FTCD: variants seen among roughly 807,000 people sequenced by gnomAD.
FTCD encodes the protein formimidoyltransferase cyclodeaminase.
FTCD carries 76 observed loss-of-function variants against 62.9 expected under a neutral mutation model. The ratio of observed to expected loss-of-function variants is 1.21; its 90% CI spans 1.00 to 1.46. The LOEUF is 1.46. FTCD is among the 40% of genes most tolerant of loss of function. The probability of loss-of-function intolerance (pLI) is 0.00; values close to 1 mark genes in which losing one functional copy is unlikely to be tolerated. For missense variants in FTCD, 845 were observed against 751.3 expected, an observed-to-expected ratio of 1.12 and a Z score of -1.46; for synonymous variants, 397 against 336.9, an observed-to-expected ratio of 1.18 and a Z score of -1.95.
At position 46,145,435 on chromosome 21, in the gene FTCD, CTCGGCG is replaced by C; in HGVS notation, c.1236_1241del (p.Asp412_Ala413del). On this transcript the variant is annotated inframe_deletion, in exon 10 of 14. Coordinates refer to ENST00000397746, the MANE Select transcript of FTCD (RefSeq NM_206965.2). ...CACTCACCAGGTAGGCGGTGAAGGCCTCGGCGTCGGCATCCACCAGCGTGGTTAGCT... is the reference window on the plus strand; with the variant it reads ...CACTCACCAGGTAGGCGGTGAAGGCCTCGGCATCCACCAGCGTGGTTAGCT... 6.4e-7 allele frequency: 1 copy of C among 1,555,726 alleles called. No homozygotes were observed. The highest frequency in any genetic ancestry group is 8.7e-7 in the Non-Finnish European group (1 of 1,150,754).
At position 46,150,104 on chromosome 21, in the gene FTCD, G is replaced by A. The variant is rs76474184; in HGVS notation, c.906+15C>T. ...GCACGCCCCTGTCCGACCCTTCCTC[G>A]GCAGCCCGGCCCACCAGCCTGATCC... On this transcript the variant is annotated intron_variant, in intron 7 of 13. Coordinates refer to ENST00000397746, the MANE Select transcript of FTCD (RefSeq NM_206965.2). 2.8e-3 allele frequency: 3,956 copies of A among 1,434,680 alleles called. 76 individuals carry two copies. In the African/African-American group the frequency reaches 0.047, roughly 17 times the overall value. The allele number at this position is 1,434,680 out of a possible 1,614,324, so 88.9% of individuals were successfully genotyped here. A position where few individuals can be genotyped will look rare whatever the true frequency, so the allele number is the denominator to read the frequency against.
intron 7 of FTCD, among the ~76,000 whole-genome samples, chr21:46,149,773 A>T (rs1387614297): frequency 6.6e-6 from 1 of 152,176 alleles, no homozygotes; most frequent in Non-Finnish European, 1.5e-5. Flanking sequence ...AGGCACACAC[A>T]TCCATGAGCT....
At chr21:46,138,677 A>C (rs62214031) in intron 11 of FTCD, 31 bp from the exon 12 acceptor site, 1 of 1,591,336 alleles carries the variant, frequency 6.3e-7, no homozygotes, top group South Asian at 1.1e-5. Context: ...GCCTGAGCAC[A>C]GCGGCACACA....
Position 46,150,452 on chromosome 21 carries a change from T to C in FTCD, c.710A>G (p.Asn237Ser), listed in dbSNP as rs775288681. ...DEKNLAQVST[N>S]LLDFEVTALH... ...TGCCGTGACCTCAAAGTCCAGAAGA[T>C]TGGTGGACACCTGAGCCAGGTTCTT... is the stretch of plus-strand genomic sequence containing the variant. The change falls in exon 6 of 14, where the codon AAT (asparagine) becomes AGT (serine). Residue 237 changes from asparagine (N) to serine (S), a missense_variant. By Grantham distance (46) the Asn-to-Ser change is conservative (BLOSUM62 1). Coordinates refer to ENST00000397746, the MANE Select transcript of FTCD (RefSeq NM_206965.2). 2.5e-6 allele frequency: 4 copies of C among 1,612,832 alleles called. No homozygotes were observed. The highest frequency in any genetic ancestry group is 2.2e-5 in the East Asian group (1 of 44,880).
Position 46,145,842 on chromosome 21 carries a change from C to T in FTCD, c.1074G>A (p.Ser358=). ...GARSAAPGGG[S]VAAAAAAMGA... ...CCATGGCCGCAGCGGCCGCCGCCAC[C>T]GAGCCGCCCCCGGGGGCCGCAGAGC... The change falls in exon 9 of 14, where the codon TCG becomes TCA. Residue 358 remains serine, a synonymous_variant. Coordinates refer to ENST00000397746, the MANE Select transcript of FTCD (RefSeq NM_206965.2). 9.2e-7 allele frequency: 1 copy of T among 1,090,244 alleles called. No homozygotes were observed. Among genetic ancestry groups the T allele is most frequent in the Non-Finnish European group, 1.1e-6 (1 of 916,906 alleles). The allele number at this position is 1,090,244 out of a possible 1,614,324, so 67.5% of individuals were successfully genotyped here.
Position 46,138,708 on chromosome 21 carries a change from T to C in FTCD, c.1305-62A>G, listed in dbSNP as rs1455135746. On this transcript the variant is annotated intron_variant, in intron 11 of 13. Coordinates refer to ENST00000397746, the MANE Select transcript of FTCD (RefSeq NM_206965.2). The stretch of plus-strand genomic sequence containing the variant: ...ACACACAGGCAGGCAGTGGACACAC[T>C]GCACCCCAACAGGGCTGAGCAGGCT... The C allele has an allele frequency of 1.5e-5, 24 of 1,553,330 alleles. No individual in the cohort carries two copies. In the South Asian group the frequency reaches 2.2e-4, roughly 14 times the overall value.
At chr21:46,138,266 G>T (rs180758565) in intron 12 of FTCD, among the ~76,000 whole-genome samples, 2 of 152,224 alleles carry the variant, frequency 1.3e-5, no homozygotes, top group Non-Finnish European at 2.9e-5. Flanking sequence ...TTATACAGTG[G>T]TCAGGGTGGG....
chr21:46,136,273 A>G (rs1411675715), downstream of FTCD: 2 of 602,902 alleles, frequency 3.3e-6, no homozygotes, highest in East Asian at 2.8e-5. Flanking sequence ...GATTTGCTAA[A>G]TTATTTTTTA....
intron 10 of FTCD, among the ~76,000 whole-genome samples, chr21:46,139,708 C>T (rs190846509): frequency 1.3e-5 from 2 of 152,334 alleles, no homozygotes; most frequent in African/African-American, 4.8e-5. Flanking sequence ...CAGCAGTGAT[C>T]GAGGAACAGA....
At chr21:46,150,955 G>A (rs991177148) in intron 5 of FTCD, among the ~76,000 whole-genome samples, 13 of 152,244 alleles carry the variant, frequency 8.5e-5, no homozygotes, top group Non-Finnish European at 1.8e-4. Flanking sequence ...GCCCTTGGCC[G>A]GGGCCTAAAG....
chr21:46,154,391 G>C, intron 1 of FTCD, 59 bp from the exon 2 acceptor site: 1 of 1,547,980 alleles, frequency 6.5e-7, no homozygotes, highest in Non-Finnish European at 8.7e-7. Context: ...AGGAAAAGGA[G>C]CTTGGAGGTG....
rs2078939872 is a variant in FTCD, at chr21:46,139,165, A to AGTT, written c.1261-245_1261-243dup. ...AGACCCGGGGATGTGAGAAGCAGGT[A>AGTT]GTTCCCTCAGGGCCCTTATTCTCAG... On this transcript the variant is annotated intron_variant, in intron 10 of 13. Coordinates refer to ENST00000397746, the MANE Select transcript of FTCD (RefSeq NM_206965.2). 2.7e-5 allele frequency: 16 copies of AGTT among 585,150 alleles called. No homozygotes were observed. The South Asian group carries it at 3.2e-4, about 12-fold the overall frequency. 36.2% of individuals were successfully genotyped at this position (585,150 alleles called of 1,614,324 possible).
At chr21:46,151,083 T>TC (rs1359199392) in intron 5 of FTCD, among the ~76,000 whole-genome samples, 1 of 151,890 alleles carries the variant, frequency 6.6e-6, no homozygotes, top group African/African-American at 2.4e-5. Context: ...GGGCAGGTGG[T>TC]CCCCCCCGCT....
intron 1 of FTCD, among the ~76,000 whole-genome samples, chr21:46,154,663 T>C (rs575288879): frequency 1.2e-3 from 178 of 152,290 alleles, no homozygotes; most frequent in African/African-American, 4.2e-3. Flanking sequence ...CAGGCGCAGG[T>C]CACAGAGGGG....
At chr21:46,141,643 C>A (rs1289910401) in intron 10 of FTCD, among the ~76,000 whole-genome samples, 2 of 151,894 alleles carry the variant, frequency 1.3e-5, no homozygotes, top group Non-Finnish European at 2.9e-5. Context: ...TTGTCAGAAG[C>A]CCCACACGCA....
At chr21:46,138,802 G>A in intron 11 of FTCD, 78 bp downstream of exon 11, 1 of 1,445,474 alleles carries the variant, frequency 6.9e-7, no homozygotes, top group Admixed American at 1.7e-5. Context: ...CCCCGTCACA[G>A]CACCCAGGTA....
rs770357341 is a variant in FTCD, at chr21:46,154,197, T to G, written c.190A>C (p.Asn64His). 1 of 1,612,768 alleles carries G rather than the reference T, an allele frequency of 6.2e-7. No individual in the cohort carries two copies. The highest frequency in any genetic ancestry group is 2.2e-5 in the East Asian group (1 of 44,856). ...AGTCGGGAAGCTACCCGGGCAGCGTTGAGGGCCCCCTCCACCACGCACTCC... is the reference window on the plus strand; with the variant it reads ...AGTCGGGAAGCTACCCGGGCAGCGTGGAGGGCCCCCTCCACCACGCACTCC... ...PPECVVEGAL[N>H]AARVASRLID... The change falls in exon 2 of 14, where the codon AAC becomes CAC. Residue 64 changes from asparagine to histidine, a missense_variant. Physicochemically the swap from Asn to His is moderately conservative, Grantham distance 68 (BLOSUM62 1). Transcript: ENST00000397746.
Position 46,139,136 on chromosome 21 carries a change from T to C in FTCD, c.1261-213A>G. The C allele has an allele frequency of 8.2e-6, 5 of 606,936 alleles. No individual in the cohort carries two copies. The South Asian group carries it at 9.6e-5, about 12-fold the overall frequency. 37.6% of individuals were successfully genotyped at this position (606,936 alleles called of 1,614,324 possible). A position where few individuals can be genotyped will look rare whatever the true frequency, so the allele number is the denominator to read the frequency against. Reference sequence around the variant, plus strand: ...GGGGGTCGGGGCACACAGCAGATGGTCAGAGACCCGGGGATGTGAGAAGCA... The same window carrying C: ...GGGGGTCGGGGCACACAGCAGATGGCCAGAGACCCGGGGATGTGAGAAGCA... On this transcript the variant is annotated intron_variant, in intron 10 of 13. Transcript: ENST00000397746.
At chr21:46,138,315 CG>C (rs1236988164) in intron 12 of FTCD, among the ~76,000 whole-genome samples, 192 bp downstream of exon 12, 1 of 152,178 alleles carries the variant, frequency 6.6e-6, no homozygotes, top group Non-Finnish European at 1.5e-5. Context: ...GTGGTGCCGC[CG>C]TGAGCGAGAT....
Sources: allele counts gnomAD v4.1 joint callset (sites outside exome capture counted in the v4.1 genomes callset), GRCh38; gene constraint gnomAD v4.1.1; transcripts MANE v1.5; gene names NCBI Gene and HGNC (gene_info 2026-07-23, HGNC 2026-07-21).